TYW1B: variants seen among roughly 807,000 people sequenced by gnomAD.
The protein encoded by TYW1B is tRNA-yW synthesizing protein 1 homolog B, also known as S-adenosyl-L-methionine-dependent tRNA 4-demethylwyosine synthase TYW1B.
In TYW1B, 73 loss-of-function variants were observed where a neutral mutation model predicts 86.9. The observed-to-expected ratio is 0.84, with a 90% CI of 0.70 to 1.02. The LOEUF (loss-of-function observed/expected upper bound fraction) is 1.02, where lower values mean the gene tolerates loss of function less well. TYW1B is among the 50% of genes least tolerant of loss of function. TYW1B has a pLI of 0.00. For synonymous variants in TYW1B, 248 were observed against 292.8 expected, an observed-to-expected ratio of 0.85 and a Z score of 1.56; for missense variants, 637 against 827.4, an observed-to-expected ratio of 0.77 and a Z score of 2.82.
At chr7:72,658,206 G>A (rs541350951) in intron 11 of TYW1B, among the ~76,000 whole-genome samples, 28 of 151,984 alleles carry the variant, frequency 1.8e-4, no homozygotes, top group East Asian at 5.8e-4. Flanking sequence ...AGCTGAGATC[G>A]CGCCACTGCG....
chr7:72,799,247 C>T (rs539329568), intron 6 of TYW1B, among the ~76,000 whole-genome samples: 18 of 151,048 alleles, frequency 1.2e-4, no homozygotes, highest in African/African-American at 4.1e-4. Flanking sequence ...CAACCTCTGC[C>T]GCCAGGGTTC....
intron 11 of TYW1B, among the ~76,000 whole-genome samples, chr7:72,675,126 C>T (rs1372603016): frequency 1.3e-5 from 2 of 151,748 alleles, no homozygotes; most frequent in East Asian, 1.9e-4. Context: ...AGGCCAGGTG[C>T]GGTGGCTCAC....
At chr7:72,777,320 A>G (rs761824946) in intron 7 of TYW1B, 96 bp downstream of exon 7, 160 of 1,419,370 alleles carry the variant, frequency 1.1e-4, no homozygotes, top group Non-Finnish European at 1.5e-4. Context: ...CACTATGAAC[A>G]GCTGCTGAGC....
chr7:72,621,476 T>C (rs1691176822), intron 12 of TYW1B, among the ~76,000 whole-genome samples: 1 of 152,220 alleles, frequency 6.6e-6, no homozygotes, highest in Non-Finnish European at 1.5e-5. Context: ...TCTTTGGCCA[T>C]ATGCACAAGT....
At chr7:72,813,063 G>A (rs1344766023) in intron 3 of TYW1B, among the ~76,000 whole-genome samples, 1 of 151,494 alleles carries the variant, frequency 6.6e-6, no homozygotes, top group Non-Finnish European at 1.5e-5. Flanking sequence ...ATCTATGGCT[G>A]TTTTGTGCCT....
At chr7:72,757,002 G>A (rs1033887114) in intron 7 of TYW1B, among the ~76,000 whole-genome samples, 4 of 152,122 alleles carry the variant, frequency 2.6e-5, no homozygotes, top group South Asian at 2.1e-4. Flanking sequence ...ACAAGGCGGA[G>A]GAGAAATCGG....
intron 2 of TYW1B, among the ~76,000 whole-genome samples, chr7:72,823,582 T>C (rs1788872402): frequency 6.6e-6 from 1 of 151,588 alleles, no homozygotes. Flanking sequence ...ATCGCGCCAC[T>C]GCACTCCAGC....
chr7:72,767,064 G>A (rs1257598652), intron 7 of TYW1B, among the ~76,000 whole-genome samples: 1 of 152,030 alleles, frequency 6.6e-6, no homozygotes, highest in Admixed American at 6.6e-5. Flanking sequence ...AACAGAAGCA[G>A]GGAAGACCAT....
chr7:72,612,853 G>A (rs1811970064), intron 13 of TYW1B, among the ~76,000 whole-genome samples: 1 of 151,974 alleles, frequency 6.6e-6, no homozygotes, highest in Admixed American at 6.6e-5. Context: ...GGGCTCAGAT[G>A]ATCCTTCCAC....
rs1303648253 is a variant in TYW1B, at chr7:72,575,257, A to AC, written c.*240_*241insG. ...GACTGTGTAGTTCCTCCCCAAAATA[A>AC]TTTTCCTCTTAGAAGTAAAATCAGG... On this transcript the variant is annotated 3_prime_UTR_variant, in exon 14 of 14. Coordinates refer to ENST00000620995, the MANE Select transcript of TYW1B (RefSeq NM_001145440.3). The AC allele has an allele frequency of 7.4e-7, 1 of 1,349,410 alleles. No homozygotes were observed. Among genetic ancestry groups the AC allele is most frequent in the Non-Finnish European group, 9.5e-7 (1 of 1,049,212 alleles). The allele number at this position is 1,349,410 out of a possible 1,614,324, so 83.6% of individuals were successfully genotyped here.
intron 10 of TYW1B, among the ~76,000 whole-genome samples, chr7:72,709,980 C>CT (rs369130510): frequency 8.9e-4 from 136 of 152,310 alleles, no homozygotes; most frequent in African/African-American, 3.1e-3. Flanking sequence ...CACGATCCCT[C>CT]TGCAGGCCTG....
chr7:72,721,360 T>A (rs1227085210), intron 9 of TYW1B, among the ~76,000 whole-genome samples: 1 of 152,156 alleles, frequency 6.6e-6, no homozygotes, highest in Admixed American at 6.5e-5. Context: ...TACAGTCCCA[T>A]CAACGGTGTA....
chr7:72,825,103 A>G (rs1293829857), intron 2 of TYW1B, among the ~76,000 whole-genome samples: 2 of 144,222 alleles, frequency 1.4e-5, no homozygotes, highest in Non-Finnish European at 3.0e-5. Flanking sequence ...CCTGTCTCCA[A>G]AAAAAAAAAA....
intron 8 of TYW1B, among the ~76,000 whole-genome samples, chr7:72,736,701 T>G (rs1585941984): frequency 6.6e-6 from 1 of 152,340 alleles, no homozygotes; most frequent in African/African-American, 2.4e-5. Context: ...TTCTAGGCAA[T>G]GCACAGAAAT....
chr7:72,740,706 A>G (rs1787288412), intron 8 of TYW1B, among the ~76,000 whole-genome samples: 1 of 151,180 alleles, frequency 6.6e-6, no homozygotes, highest in Non-Finnish European at 1.5e-5. Flanking sequence ...GAGTTAACAC[A>G]TTCTAATAAT....
At chr7:72,747,209 C>T (rs1156423053) in intron 7 of TYW1B, among the ~76,000 whole-genome samples, 2 of 152,126 alleles carry the variant, frequency 1.3e-5, no homozygotes, top group Non-Finnish European at 2.9e-5. Flanking sequence ...TCACAGGTGC[C>T]GGTCTTTCCT....
intron 11 of TYW1B, among the ~76,000 whole-genome samples, chr7:72,673,905 T>A (rs1339260296): frequency 2.0e-5 from 3 of 152,138 alleles, no homozygotes; most frequent in African/African-American, 7.2e-5. Flanking sequence ...AAAACTTAAA[T>A]TTAAAAACAA....
chr7:72,826,674 G>T (rs1363619508), intron 2 of TYW1B, among the ~76,000 whole-genome samples, 181 bp downstream of exon 2: 1 of 152,154 alleles, frequency 6.6e-6, no homozygotes, highest in Non-Finnish European at 1.5e-5. Context: ...CAAAGAAAAA[G>T]TAAGTAACTT....
chr7:72,619,819 T>C (rs1443526697), intron 12 of TYW1B, among the ~76,000 whole-genome samples: 6 of 152,182 alleles, frequency 3.9e-5, no homozygotes, highest in Non-Finnish European at 8.8e-5. Context: ...CAACCATGTA[T>C]GCAGTAGCTA....
Sources: allele counts gnomAD v4.1 joint callset (sites outside exome capture counted in the v4.1 genomes callset), GRCh38; gene constraint gnomAD v4.1.1; transcripts MANE v1.5; gene names NCBI Gene and HGNC (gene_info 2026-07-23, HGNC 2026-07-21).